The following TBC1D9B variants were observed in gnomAD, a reference collection of about 807,000 sequenced individuals.
The protein encoded by TBC1D9B is TBC1 domain family member 9B, also known as TBC1 domain family, member 9B (with GRAM domain).
TBC1D9B carries 87 observed loss-of-function variants against 121.1 expected under a neutral mutation model. The ratio of observed to expected loss-of-function variants is 0.72; its 90% confidence interval spans 0.60 to 0.86. The LOEUF is 0.86. TBC1D9B is among the 40% of genes least tolerant of loss of function. The probability of loss-of-function intolerance (pLI) is 0.00; values close to 1 mark genes in which losing one functional copy is unlikely to be tolerated. For synonymous variants in TBC1D9B, 668 were observed against 670.1 expected (o/e 1.00, Z 0.05); for missense variants, 1,540 against 1,628.6 (o/e 0.95, Z 0.94).
chr5:179,870,215 AGG>A, intron 16 of TBC1D9B, 38 bp downstream of exon 16: 1 of 1,608,366 alleles, frequency 6.2e-7, no homozygotes, highest in Middle Eastern at 1.7e-4. Context: ...GGAAAGGGTG[AGG>A]GAGGGTCAAG....
At chr5:179,867,197 C>T (rs1760037610) in intron 18 of TBC1D9B, 3 of 471,950 alleles carry the variant, frequency 6.4e-6, no homozygotes. Flanking sequence ...ATGTCTCTAA[C>T]ATGTGGCTGT....
chr5:179,873,554 G>A (rs1239658098), intron 12 of TBC1D9B, among the ~76,000 whole-genome samples: 1 of 152,254 alleles, frequency 6.6e-6, no homozygotes, highest in African/African-American at 2.4e-5. Flanking sequence ...ATCCTACCCA[G>A]TTGGAAGGAT....
chr5:179,888,365 G>A lies in TBC1D9B; in HGVS notation c.1045-53C>T, dbSNP rs181071053. 7.6e-6 allele frequency: 12 copies of A among 1,575,590 alleles called. No individual in the cohort carries two copies. In the Admixed American group the frequency reaches 1.8e-4, roughly 23 times the overall value. On this transcript the variant is annotated intron_variant, in intron 6 of 20. Coordinates refer to ENST00000355235, the MANE Select transcript of TBC1D9B (RefSeq NM_015043.4). Reference sequence around the variant, plus strand: ...TGTCTGCATCTCAGGCCCTGCAGCTGGGCATGCTTTGTGAATGGCAGACTG... The same window carrying A: ...TGTCTGCATCTCAGGCCCTGCAGCTAGGCATGCTTTGTGAATGGCAGACTG...
Position 179,874,192 on chromosome 5 carries a change from T to C in TBC1D9B, c.2186+710A>G, listed in dbSNP as rs1760289716. On this transcript the variant is annotated intron_variant, in intron 12 of 20. Coordinates refer to ENST00000355235, the MANE Select transcript of TBC1D9B (RefSeq NM_015043.4). The surrounding 1 kb of genome is among the most constrained non-coding windows in gnomAD (Gnocchi z 4.3). ...AGGGGCCGGGGCTTGAAGGCCAGGC[T>C]GGAGGCTCAGACAGTGCCTTTGTAC... Among the ~76,000 whole-genome samples, 1 of 152,092 alleles carries C rather than the reference T, an allele frequency of 6.6e-6. No homozygotes were observed. The highest frequency in any genetic ancestry group is 1.5e-5 in the Non-Finnish European group (1 of 68,010).
intron 10 of TBC1D9B, among the ~76,000 whole-genome samples, chr5:179,876,770 T>C (rs1198655354): frequency 6.6e-6 from 1 of 151,950 alleles, no homozygotes; most frequent in Non-Finnish European, 1.5e-5. Context: ...ATGGAGTTCC[T>C]CAAAAAATTA....
At chr5:179,901,273 C>A (rs1561649983) in intron 2 of TBC1D9B, among the ~76,000 whole-genome samples, 1 of 152,094 alleles carries the variant, frequency 6.6e-6, no homozygotes, top group African/African-American at 2.4e-5. Flanking sequence ...TCTATTACAG[C>A]CTCCTTTCCC....
At chr5:179,879,596 C>G (rs535445266) in intron 8 of TBC1D9B, 32 bp downstream of exon 8, 3 of 1,613,338 alleles carry the variant, frequency 1.9e-6, no homozygotes, top group Non-Finnish European at 2.5e-6. Flanking sequence ...CCGCTCTTGA[C>G]GGAGGCTGGA....
chr5:179,894,623 A>G lies in TBC1D9B; in HGVS notation c.349-9T>C. 6.2e-7 allele frequency: 1 copy of G among 1,614,032 alleles called. No individual in the cohort carries two copies. Among genetic ancestry groups the G allele is most frequent in the Non-Finnish European group, 8.5e-7 (1 of 1,179,950 alleles). Reference sequence around the variant, plus strand: ...TCTTCTGCGATGATTCCCTGGAGGAAGGCAAGAGGACAAGGGCTTGCCCTG... The same window carrying G: ...TCTTCTGCGATGATTCCCTGGAGGAGGGCAAGAGGACAAGGGCTTGCCCTG... On this transcript the variant is annotated splice_polypyrimidine_tract_variant and intron_variant, in intron 3 of 20. Coordinates refer to ENST00000355235, the MANE Select transcript of TBC1D9B (RefSeq NM_015043.4).
intron 2 of TBC1D9B, among the ~76,000 whole-genome samples, chr5:179,899,845 A>G (rs186400891): frequency 1.6e-4 from 24 of 152,038 alleles, no homozygotes; most frequent in Non-Finnish European, 2.8e-4. Flanking sequence ...CCCTCTCTTC[A>G]GTTTCTCCTG....
At chr5:179,876,064 A>T in intron 10 of TBC1D9B, 27 bp from the exon 11 acceptor site, 2 of 1,596,542 alleles carry the variant, frequency 1.3e-6, no homozygotes, top group Non-Finnish European at 1.7e-6. Flanking sequence ...CAGCCGGGGA[A>T]GGCTTGCACT....
chr5:179,866,378 CG>C (rs1156854071), intron 18 of TBC1D9B: 1 of 155,382 alleles, frequency 6.4e-6, no homozygotes, highest in African/African-American at 2.4e-5. Context: ...GGACATTTGC[CG>C]GAACTGGCGC....
At position 179,891,358 on chromosome 5, in the gene TBC1D9B, T is replaced by A; in HGVS notation, c.1044+21A>T. On this transcript the variant is annotated intron_variant, in intron 6 of 20. Transcript: ENST00000355235. This position sits in a 1 kb window ranked among gnomAD's most constrained non-coding sequence, Gnocchi z 4.3. Reference sequence around the variant, plus strand: ...CCTCGGGGCTGGAAAGGCCTTGGCCTCTCAACTAGGGGATGCTGACCTCCC... The same window carrying A: ...CCTCGGGGCTGGAAAGGCCTTGGCCACTCAACTAGGGGATGCTGACCTCCC... 6.2e-7 allele frequency: 1 copy of A among 1,613,962 alleles called. No individual in the cohort carries two copies. The highest frequency in any genetic ancestry group is 8.5e-7 in the Non-Finnish European group (1 of 1,179,914).
chr5:179,905,399 A>G (rs779508705), intron 1 of TBC1D9B, among the ~76,000 whole-genome samples: 59 of 152,312 alleles, frequency 3.9e-4, no homozygotes, highest in Admixed American at 6.5e-4. Flanking sequence ...TGACTCACTG[A>G]TTTTTTATTA....
At chr5:179,864,224 A>G in intron 20 of TBC1D9B, 96 bp from the exon 21 acceptor site, 2 of 1,261,738 alleles carry the variant, frequency 1.6e-6, no homozygotes. Flanking sequence ...CAGCCTAAGG[A>G]TGTTGGCTGC....
intron 7 of TBC1D9B, among the ~76,000 whole-genome samples, chr5:179,882,655 C>T (rs941146202): frequency 1.3e-5 from 2 of 152,102 alleles, no homozygotes; most frequent in East Asian, 3.8e-4. Flanking sequence ...ATCAGTCTGG[C>T]CAACATGGTG....
Position 179,863,405 on chromosome 5 carries a change from C to A in TBC1D9B, c.*43G>T, listed in dbSNP as rs372243043. The stretch of plus-strand genomic sequence containing the variant: ...GAAAGGCAGGAGGAGATGAGGCCAG[C>A]CCCACTGATGACACCTTGGGCCAGG... On this transcript the variant is annotated 3_prime_UTR_variant, in exon 21 of 21. Transcript: ENST00000355235. The surrounding 1 kb of genome is among the most constrained non-coding windows in gnomAD (Gnocchi z 4.5). The A allele has an allele frequency of 6.3e-7, 1 of 1,585,474 alleles. No individual in the cohort carries two copies. Among genetic ancestry groups the A allele is most frequent in the Non-Finnish European group, 8.6e-7 (1 of 1,164,382 alleles).
chr5:179,869,261 C>T (rs1760111653), intron 17 of TBC1D9B: 1 of 283,062 alleles, frequency 3.5e-6, no homozygotes, highest in Admixed American at 4.4e-5. Flanking sequence ...GAGCATTGTC[C>T]ATGCAGCCAC....
rs1056348501 is a variant in TBC1D9B, at chr5:179,902,517, T to C, written c.229+2185A>G. ...CACAGCCAGGGCCAGTGCAGGGCTT[T>C]GGGCCTGGCAGGAGGGGAGAGGTCA... On this transcript the variant is annotated intron_variant, in intron 2 of 20. Coordinates refer to ENST00000355235, the MANE Select transcript of TBC1D9B (RefSeq NM_015043.4). The surrounding 1 kb of genome is among the most constrained non-coding windows in gnomAD (Gnocchi z 4.9). 1.4e-4 allele frequency among the ~76,000 whole-genome samples: 22 copies of C among 152,106 alleles called. No individual in the cohort carries two copies. Among genetic ancestry groups the C allele is most frequent in the African/African-American group, 5.3e-4 (22 of 41,426 alleles).
In TBC1D9B at chr5:179,871,460, A is replaced by G; in HGVS notation, c.2484+2T>C. 1 of 1,612,562 alleles carries G rather than the reference A, an allele frequency of 6.2e-7. No individual in the cohort carries two copies. Among genetic ancestry groups the G allele is most frequent in the Non-Finnish European group, 8.5e-7 (1 of 1,179,364 alleles). Reference sequence around the variant, plus strand: ...GGTCCTGCCCTGGCTCTGAGCTGTCACCTTAAACACCATGTAAAGGTCCTC... The same window carrying G: ...GGTCCTGCCCTGGCTCTGAGCTGTCGCCTTAAACACCATGTAAAGGTCCTC... On this transcript the variant is annotated splice_donor_variant, in intron 15 of 20. Coordinates refer to ENST00000355235, the MANE Select transcript of TBC1D9B (RefSeq NM_015043.4). LOFTEE classifies it high-confidence loss of function.
Sources: gnomAD v4.1 joint callset for allele counts (sites outside exome capture counted in the v4.1 genomes callset) on GRCh38, gnomAD v4.1.1 for gene constraint, Gnocchi (gnomAD v3.1) non-coding constraint, MANE v1.5 for transcripts, NCBI Gene and HGNC (gene_info 2026-07-23, HGNC 2026-07-21) for gene names.